TMEM108: variants seen among roughly 807,000 people sequenced by gnomAD.
TMEM108 encodes cancer/testis antigen 124.
In TMEM108, 12 loss-of-function variants were observed where a neutral mutation model predicts 35.1. The ratio of observed to expected loss-of-function variants is 0.34; its 90% CI spans 0.22 to 0.55. TMEM108 has a LOEUF of 0.55. Ranked by LOEUF, TMEM108 falls within the 20% of genes least tolerant of loss-of-function variation. The probability of loss-of-function intolerance (pLI) is 0.89; values close to 1 mark genes in which losing one functional copy is unlikely to be tolerated. For synonymous variants in TMEM108, 287 were observed against 308.6 expected (o/e 0.93, Z 0.73); for missense variants, 680 against 753.3 (o/e 0.90, Z 1.14).
chr3:133,153,916 C>A (rs1576348425), intron 2 of TMEM108, among the ~76,000 whole-genome samples: 1 of 152,168 alleles, frequency 6.6e-6, no homozygotes, highest in Middle Eastern at 3.4e-3. Context: ...GCACTTTACA[C>A]ACACCATGTA....
chr3:133,311,108 G>A (rs935002956), intron 3 of TMEM108, among the ~76,000 whole-genome samples: 2 of 152,186 alleles, frequency 1.3e-5, no homozygotes, highest in Admixed American at 1.3e-4. Context: ...AGTCTGATGG[G>A]CTTCCCTTTG....
intron 3 of TMEM108, among the ~76,000 whole-genome samples, chr3:133,273,507 G>A (rs1454875964): frequency 6.6e-6 from 1 of 152,132 alleles, no homozygotes; most frequent in Non-Finnish European, 1.5e-5. Flanking sequence ...TACTCAGCAG[G>A]ACTGACGTAG....
At chr3:133,302,273 G>T (rs567505222) in intron 3 of TMEM108, among the ~76,000 whole-genome samples, 1 of 152,170 alleles carries the variant, frequency 6.6e-6, no homozygotes, top group African/African-American at 2.4e-5. Context: ...ATGCGTGCGC[G>T]TGCACGGGTG....
intron 3 of TMEM108, among the ~76,000 whole-genome samples, chr3:133,355,944 A>C (rs1314100029): frequency 1.3e-5 from 2 of 152,174 alleles, no homozygotes; most frequent in African/African-American, 4.8e-5. Context: ...TATGGGACCT[A>C]AAAAAGAAGA....
intron 4 of TMEM108, chr3:133,386,713 T>C: frequency 7.3e-7 from 1 of 1,370,010 alleles, no homozygotes; most frequent in Non-Finnish European, 9.4e-7. Flanking sequence ...AGTTAACATC[T>C]TGTGTTTGCA....
chr3:133,085,261 T>G (rs577935355), intron 2 of TMEM108, among the ~76,000 whole-genome samples: 42 of 152,298 alleles, frequency 2.8e-4, no homozygotes, highest in African/African-American at 9.9e-4. Flanking sequence ...AAATGAATGT[T>G]TTCATTTTTT....
intron 2 of TMEM108, among the ~76,000 whole-genome samples, chr3:133,065,980 T>C (rs915386111): frequency 2.0e-5 from 3 of 152,220 alleles, no homozygotes; most frequent in Non-Finnish European, 2.9e-5. Context: ...CCACAATAGC[T>C]ACATAAGGCT....
chr3:133,182,214 C>G lies in TMEM108; in HGVS notation c.-46-47052C>G, dbSNP rs149097109. On this transcript the variant is annotated intron_variant, in intron 2 of 5. Coordinates refer to ENST00000321871, the MANE Select transcript of TMEM108 (RefSeq NM_023943.4). ...TTCTTCCCAGTGGTAGATCGATTAA[C>G]CAGACTACATTGAAGGCAAGGAAGG... 7.9e-4 allele frequency among the ~76,000 whole-genome samples: 121 copies of G among 152,230 alleles called. 1 individual carries two copies. The East Asian group carries it at 0.022, about 27-fold the overall frequency.
intron 2 of TMEM108, among the ~76,000 whole-genome samples, chr3:133,074,830 A>G (rs1388732293): frequency 1.3e-5 from 2 of 152,214 alleles, no homozygotes; most frequent in African/African-American, 4.8e-5. Context: ...AATAATTTTG[A>G]ATCAAAATCC....
chr3:133,366,557 C>T (rs2072505730), intron 3 of TMEM108, among the ~76,000 whole-genome samples: 1 of 152,194 alleles, frequency 6.6e-6, no homozygotes, highest in South Asian at 2.1e-4. Context: ...AGGCCATCTT[C>T]CATTGTTCTC....
intron 3 of TMEM108, among the ~76,000 whole-genome samples, chr3:133,307,143 T>C (rs1047952118): frequency 3.3e-5 from 5 of 152,208 alleles, no homozygotes; most frequent in Admixed American, 6.5e-5. Context: ...CATTTTCTCA[T>C]GTGTCTGTTT....
chr3:133,225,990 G>A (rs1946064688), intron 2 of TMEM108, among the ~76,000 whole-genome samples: 1 of 152,212 alleles, frequency 6.6e-6, no homozygotes, highest in South Asian at 2.1e-4. Flanking sequence ...CGTTTTATAA[G>A]TTTTATAAGA....
chr3:133,117,204 T>C (rs1181854059), intron 2 of TMEM108, among the ~76,000 whole-genome samples: 1 of 152,218 alleles, frequency 6.6e-6, no homozygotes. Context: ...CAAATATTAG[T>C]CCTCAATGGA....
chr3:133,243,184 G>T (rs576729613), intron 3 of TMEM108, among the ~76,000 whole-genome samples: 1 of 152,214 alleles, frequency 6.6e-6, no homozygotes, highest in East Asian at 1.9e-4. Context: ...TCACTATGAG[G>T]TAGGGACAGC....
chr3:133,061,045 T>TA (rs1943528458), intron 2 of TMEM108, among the ~76,000 whole-genome samples: 1 of 152,150 alleles, frequency 6.6e-6, no homozygotes, highest in Non-Finnish European at 1.5e-5. Flanking sequence ...ACAGACAACA[T>TA]AAATAATATG....
chr3:133,182,121 A>T (rs1945354843), intron 2 of TMEM108, among the ~76,000 whole-genome samples: 1 of 152,194 alleles, frequency 6.6e-6, no homozygotes, highest in African/African-American at 2.4e-5. Context: ...TTTATCTGTC[A>T]GATGTGTCAA....
intron 2 of TMEM108, among the ~76,000 whole-genome samples, chr3:133,048,096 TA>T (rs1003114192): frequency 2.0e-5 from 3 of 151,812 alleles, no homozygotes; most frequent in Non-Finnish European, 2.9e-5. Flanking sequence ...TTTGCAAAGT[TA>T]AAAAAAAGGG....
chr3:133,179,806 TA>T (rs1359633860), intron 2 of TMEM108, among the ~76,000 whole-genome samples: 1 of 147,680 alleles, frequency 6.8e-6, no homozygotes, highest in South Asian at 2.1e-4. Context: ...TAAAGTATAA[TA>T]AAAAAATAAA....
At chr3:133,225,846 A>G (rs1008854520) in intron 2 of TMEM108, among the ~76,000 whole-genome samples, 3 of 152,210 alleles carry the variant, frequency 2.0e-5, no homozygotes, top group Admixed American at 6.5e-5. Flanking sequence ...CCAGAAACAG[A>G]TTGTTGATGA....
Sources: gnomAD v4.1 joint callset for allele counts (sites outside exome capture counted in the v4.1 genomes callset) on GRCh38, gnomAD v4.1.1 for gene constraint, MANE v1.5 for transcripts, NCBI Gene and HGNC (gene_info 2026-07-23, HGNC 2026-07-21) for gene names.